RFX1: variants seen among roughly 807,000 people sequenced by gnomAD.
The protein encoded by RFX1 is MHC class II regulatory factor RFX1.
RFX1 carries 42 observed loss-of-function variants against 119.6 expected under a neutral mutation model. The ratio of observed to expected loss-of-function variants is 0.35; its 90% CI spans 0.27 to 0.45. RFX1 has a LOEUF of 0.45. Among genes scored for constraint, RFX1 ranks in the 20% least tolerant of loss-of-function variants. The pLI, the probability that RFX1 is intolerant of heterozygous loss-of-function variation, is 1.00. For synonymous variants in RFX1, 628 were observed against 618.5 expected, an observed-to-expected ratio of 1.02 and a Z score of -0.23; for missense variants, 1,118 against 1,368.1, an observed-to-expected ratio of 0.82 and a Z score of 2.88.
At chr19:13,967,612 G>T (rs1437178855) in intron 12 of RFX1, among the ~76,000 whole-genome samples, 1 of 151,954 alleles carries the variant, frequency 6.6e-6, no homozygotes, top group African/African-American at 2.4e-5. Context: ...GAGTAGCTGG[G>T]ATTACAGGCA....
In RFX1 at chr19:13,993,665, C is replaced by A; in HGVS notation, c.179G>T (p.Ser60Ile). ...CGGTGGCTGTGCCTGGGGCTGGGGG[C>A]TCTGCAGCTCGGTGACATATTGGGG... The part of the protein sequence containing the change: ...PQPQYVTELQ[S>I]PQPQAQPPGG... The change falls in exon 2 of 21, where the codon AGC becomes ATC. Residue 60 changes from serine (S) to isoleucine (I), a missense_variant. By Grantham distance (142) the Ser-to-Ile change is moderately radical (BLOSUM62 -2). Around this residue, in one of 5 missense-constraint regions of RFX1, gnomAD observed 542 missense variants for 602.7 expected, o/e 0.90. Coordinates refer to ENST00000254325, the MANE Select transcript of RFX1 (RefSeq NM_002918.5). 6.3e-7 allele frequency: 1 copy of A among 1,595,648 alleles called. No homozygotes were observed. The highest frequency in any genetic ancestry group is 8.5e-7 in the Non-Finnish European group (1 of 1,170,554).
At chr19:13,977,962 TC>T in intron 8 of RFX1, 29 bp downstream of exon 8, 3 of 1,552,166 alleles carry the variant, frequency 1.9e-6, no homozygotes, top group Non-Finnish European at 2.7e-6. Flanking sequence ...CAGACCTGAC[TC>T]CCTCACCCAC....
At chr19:13,963,084 G>T in intron 19 of RFX1, 38 bp downstream of exon 19, 1 of 1,605,046 alleles carries the variant, frequency 6.2e-7, no homozygotes, top group Non-Finnish European at 8.5e-7. Context: ...CCGCCGCCTG[G>T]CGCCCCGCCC....
intron 8 of RFX1, among the ~76,000 whole-genome samples, chr19:13,975,439 T>A (rs1016861826): frequency 1.3e-5 from 2 of 149,864 alleles, no homozygotes; most frequent in Non-Finnish European, 3.0e-5. Flanking sequence ...ACTCTGAAGG[T>A]GGCAGGGGAG....
rs143147749 is a variant in RFX1, at chr19:13,980,584, C to T, written c.727G>A (p.Val243Ile). The change falls in exon 6 of 21, where the codon GTC becomes ATC. Residue 243 changes from valine (V) to isoleucine (I), a missense_variant. Val to Ile is a conservative substitution (Grantham distance 29). Coordinates refer to ENST00000254325, the MANE Select transcript of RFX1 (RefSeq NM_002918.5). This position sits in a 1 kb window ranked among gnomAD's most constrained non-coding sequence, Gnocchi z 5.1. Reference sequence around the variant, plus strand: ...CCTTGGCCTGGCACCTCTTGGGTGACGGGGACACTCTGCTGGACGCCGTGG... The same window carrying T: ...CCTTGGCCTGGCACCTCTTGGGTGATGGGGACACTCTGCTGGACGCCGTGG... Reference protein sequence around the residue: ...QVHGVQQSVPVTQERSVVQAT... With the variant: ...QVHGVQQSVPITQERSVVQAT... The T allele has an allele frequency of 5.8e-5, 91 of 1,570,670 alleles. No individual in the cohort carries two copies. Among genetic ancestry groups the T allele is most frequent in the Middle Eastern group, 3.4e-4 (2 of 5,836 alleles).
intron 1 of RFX1, among the ~76,000 whole-genome samples, chr19:14,004,193 C>A (rs533908490): frequency 6.6e-6 from 1 of 152,212 alleles, no homozygotes; most frequent in East Asian, 1.9e-4. Flanking sequence ...AGCCACCACG[C>A]CCAGCCTGCT....
At chr19:13,999,973 G>T (rs770734854) in intron 1 of RFX1, among the ~76,000 whole-genome samples, 2 of 152,042 alleles carry the variant, frequency 1.3e-5, no homozygotes, top group Non-Finnish European at 2.9e-5. Context: ...ACCGCGACTG[G>T]CCTGACCCCT....
chr19:13,980,754 A>ATCCTCTCTGAGGTGGGCT lies in RFX1; in HGVS notation c.622-66_622-65insAGCCCACCTCAGAGAGGA. The ATCCTCTCTGAGGTGGGCT allele has an allele frequency of 2.2e-4, 43 of 198,654 alleles. No individual in the cohort carries two copies. The highest frequency in any genetic ancestry group is 3.4e-4 in the African/African-American group (2 of 5,840). The allele number at this position is 198,654 out of a possible 1,614,324, so 12.3% of individuals were successfully genotyped here. ...CTTGCATCCTCTCTGAGGTGGGCTC[A>ATCCTCTCTGAGGTGGGCT]CACACACACCCTTCTCAGGAGAGCT... is the stretch of plus-strand genomic sequence containing the variant. On this transcript the variant is annotated intron_variant, in intron 5 of 20. Transcript: ENST00000254325. This position sits in a 1 kb window ranked among gnomAD's most constrained non-coding sequence, Gnocchi z 5.1.
chr19:13,985,336 C>A lies in RFX1; in HGVS notation c.320-1741G>T, dbSNP rs917801293. On this transcript the variant is annotated intron_variant, in intron 2 of 20. Coordinates refer to ENST00000254325, the MANE Select transcript of RFX1 (RefSeq NM_002918.5). This position sits in a 1 kb window ranked among gnomAD's most constrained non-coding sequence, Gnocchi z 4.3. The stretch of plus-strand genomic sequence containing the variant: ...GGACTGCAGGCACCCGCCACCACGC[C>A]CAGCTAATTTTTGTGGTTTTAGTAG... Among the ~76,000 whole-genome samples, 1 of 152,128 alleles carries A rather than the reference C, an allele frequency of 6.6e-6. No individual in the cohort carries two copies. Among genetic ancestry groups the A allele is most frequent in the Non-Finnish European group, 1.5e-5 (1 of 68,026 alleles).
At chr19:13,995,851 CAAAAAAAA>C (rs57542235) in intron 1 of RFX1, among the ~76,000 whole-genome samples, 3 of 35,632 alleles carry the variant, frequency 8.4e-5, no homozygotes, top group Non-Finnish European at 2.1e-4. Context: ...ACTCTGTCTC[CAAAAAAAA>C]AAAAAAAAAA....
chr19:14,003,699 A>G, intron 1 of RFX1, among the ~76,000 whole-genome samples: 1 of 152,178 alleles, frequency 6.6e-6, no homozygotes, highest in East Asian at 1.9e-4. Flanking sequence ...CTGCCCCTAG[A>G]TGAAAGGAAG....
chr19:13,966,687 G>A lies in RFX1; in HGVS notation c.1797C>T (p.Gly599=), dbSNP rs145518949. Residue 599 remains glycine, a synonymous_variant, in exon 13 of 21, where the codon GGC becomes GGT. Transcript: ENST00000254325. The surrounding 1 kb of genome is among the most constrained non-coding windows in gnomAD (Gnocchi z 6.3). ...LDLQGKVLPE[G]VGPGDIKAFQ... ...AGGCTTTGATGTCCCCGGGCCCGAC[G>A]CCCTCAGGCAGCACCTTGCCCTGGA... 13 of 1,611,188 alleles carry A rather than the reference G, an allele frequency of 8.1e-6. No individual in the cohort carries two copies. Among genetic ancestry groups the A allele is most frequent in the African/African-American group, 6.7e-5 (5 of 74,818 alleles).
At position 13,970,032 on chromosome 19, in the gene RFX1, G is replaced by T. The variant is rs755998374; in HGVS notation, c.1458C>A (p.Ser486=). The T allele has an allele frequency of 7.4e-6, 12 of 1,613,936 alleles. No individual in the cohort carries two copies. In the South Asian group the frequency reaches 1.3e-4, roughly 18 times the overall value. ...NAASFGKLIR[S]VFMGLRTRRL... ...GGCGGGTTCGCAGGCCCATGAAGAC[G>T]GAGCGGATGAGCTTGCCGAAGGAGG... is the stretch of plus-strand genomic sequence containing the variant. Residue 486 remains serine (S), a synonymous_variant, in exon 10 of 21, where the codon TCC becomes TCA. Coordinates refer to ENST00000254325, the MANE Select transcript of RFX1 (RefSeq NM_002918.5).
chr19:13,972,421 T>C (rs935297310), intron 9 of RFX1, among the ~76,000 whole-genome samples: 2 of 152,142 alleles, frequency 1.3e-5, no homozygotes, highest in Admixed American at 1.3e-4. Context: ...CTTGAACTCC[T>C]GACTTCAGGT....
At chr19:13,991,621 C>A (rs1974804115) in intron 2 of RFX1, among the ~76,000 whole-genome samples, 1 of 152,202 alleles carries the variant, frequency 6.6e-6, no homozygotes, top group African/African-American at 2.4e-5. Context: ...AGGGCTCCAG[C>A]CCCATCTGCT....
chr19:13,981,575 G>A (rs1974431303), intron 5 of RFX1, among the ~76,000 whole-genome samples: 1 of 152,192 alleles, frequency 6.6e-6, no homozygotes, highest in South Asian at 2.1e-4. Context: ...CAGCCTGGGG[G>A]ACAGAGCGAG....
chr19:13,963,554 T>C lies in RFX1; in HGVS notation c.2554A>G (p.Lys852Glu), dbSNP rs753582886. 6.2e-7 allele frequency: 1 copy of C among 1,604,772 alleles called. No homozygotes were observed. The highest frequency in any genetic ancestry group is 1.1e-5 in the South Asian group (1 of 90,976). ...FPKAAKLFLL[K>E]WSFYSSMVIR... ...CGCGCGCACCTGTAGAAGGACCACT[T>C]GAGGAGGAAGAGCTTGGCGGCCTTG... The change falls in exon 18 of 21, where the codon AAG becomes GAG. Residue 852 changes from lysine to glutamate, a missense_variant. Transcript: ENST00000254325.
chr19:13,968,435 G>C lies in RFX1; in HGVS notation c.1732+130C>G. 1 of 716,582 alleles carries C rather than the reference G, an allele frequency of 1.4e-6. No homozygotes were observed. The highest frequency in any genetic ancestry group is 2.5e-6 in the Non-Finnish European group (1 of 399,940). The allele number at this position is 716,582 out of a possible 1,614,324, so 44.4% of individuals were successfully genotyped here. ...GACTGTGATGTCTCCCCCACCCCCT[G>C]CTGGTTCTCGGGCATCTCTCACCAA... On this transcript the variant is annotated intron_variant, in intron 12 of 20. Transcript: ENST00000254325. The surrounding 1 kb of genome is among the most constrained non-coding windows in gnomAD (Gnocchi z 5.5).
intron 1 of RFX1, among the ~76,000 whole-genome samples, chr19:14,003,494 A>G (rs1439049373): frequency 6.7e-6 from 1 of 150,156 alleles, no homozygotes; most frequent in African/African-American, 2.5e-5. Flanking sequence ...GATAAAAATA[A>G]AAGCCAACGG....
Sources: gnomAD v4.1 joint callset for allele counts (sites outside exome capture counted in the v4.1 genomes callset) on GRCh38, gnomAD v4.1.1 for gene constraint, gnomAD v4.1.1 regional missense constraint, Gnocchi (gnomAD v3.1) non-coding constraint, MANE v1.5 for transcripts, NCBI Gene and HGNC (gene_info 2026-07-23, HGNC 2026-07-21) for gene names.